BANF2: variants seen among roughly 807,000 people sequenced by gnomAD.
BANF2 encodes the protein barrier-to-autointegration factor-like protein.
A neutral mutation model predicts 8.0 loss-of-function variants in BANF2; 4 were observed. The observed-to-expected ratio is 0.50, with a 90% CI of 0.25 to 1.14. The LOEUF is 1.14. Among genes scored for constraint, BANF2 ranks in the 50% most tolerant of loss-of-function variants. BANF2 has a pLI of 0.16. For synonymous variants in BANF2, 50 were observed against 40.6 expected (o/e 1.23, Z -0.88); for missense variants, 96 against 107.5 (o/e 0.89, Z 0.47).
intron 3 of BANF2, among the ~76,000 whole-genome samples, chr20:17,727,884 A>G (rs559814081): frequency 1.3e-5 from 2 of 152,256 alleles, no homozygotes; most frequent in African/African-American, 4.8e-5. Context: ...GACTAGAGGC[A>G]CGCACCACTA....
At chr20:17,732,433 C>G (rs2037912140) in intron 3 of BANF2, among the ~76,000 whole-genome samples, 1 of 152,240 alleles carries the variant, frequency 6.6e-6, no homozygotes, top group African/African-American at 2.4e-5. Flanking sequence ...GTGGCATAAT[C>G]TCAGCTCATG....
At chr20:17,728,212 C>A (rs1300674409) in intron 3 of BANF2, among the ~76,000 whole-genome samples, 1 of 152,198 alleles carries the variant, frequency 6.6e-6, no homozygotes, top group African/African-American at 2.4e-5. Flanking sequence ...CACAAAGCCA[C>A]CTTGGGTTCC....
intron 1 of BANF2, among the ~76,000 whole-genome samples, chr20:17,716,216 T>G (rs918780960): frequency 3.9e-5 from 6 of 152,166 alleles, no homozygotes; most frequent in African/African-American, 1.4e-4. Flanking sequence ...TGGAGGCATT[T>G]CTCCCTCCGG....
At chr20:17,720,804 G>C (rs2037717518) in intron 1 of BANF2, among the ~76,000 whole-genome samples, 1 of 152,202 alleles carries the variant, frequency 6.6e-6, no homozygotes. Context: ...TTTATGTTAG[G>C]TATATTTTAC....
At chr20:17,710,108 G>T (rs1357134533) in intron 1 of BANF2, among the ~76,000 whole-genome samples, 3 of 152,226 alleles carry the variant, frequency 2.0e-5, no homozygotes, top group East Asian at 1.9e-4. Context: ...CACCTGAGGG[G>T]TGTGGGGCTG....
intron 3 of BANF2, 124 bp downstream of exon 3, chr20:17,725,275 G>T: frequency 7.9e-7 from 1 of 1,258,856 alleles, no homozygotes; most frequent in Non-Finnish European, 1.1e-6. Context: ...CTGCCGCTTG[G>T]CGGGGTGCCA....
chr20:17,725,875 G>A (rs965886861), intron 3 of BANF2, among the ~76,000 whole-genome samples: 6 of 152,142 alleles, frequency 3.9e-5, no homozygotes, highest in South Asian at 2.1e-4. Context: ...TCTACCAGGC[G>A]GGACAGTGTT....
At chr20:17,725,233 G>A (rs140331183) in intron 3 of BANF2, 82 bp downstream of exon 3, 80 of 1,483,462 alleles carry the variant, frequency 5.4e-5, no homozygotes, top group Admixed American at 2.4e-4. Flanking sequence ...TTCCTGCCAC[G>A]TGTCCCTGTG....
intron 1 of BANF2, among the ~76,000 whole-genome samples, chr20:17,711,640 G>C (rs1349440317): frequency 6.6e-6 from 1 of 152,200 alleles, no homozygotes; most frequent in African/African-American, 2.4e-5. Context: ...CTTGAGACAA[G>C]GGGGTTAGGG....
intron 1 of BANF2, among the ~76,000 whole-genome samples, chr20:17,715,644 C>A (rs1385601576): frequency 6.6e-6 from 1 of 152,194 alleles, no homozygotes; most frequent in Non-Finnish European, 1.5e-5. Context: ...TGGGCCTGAC[C>A]CTGCCCCAGC....
chr20:17,731,863 G>T (rs2037901943), intron 3 of BANF2, among the ~76,000 whole-genome samples: 1 of 150,990 alleles, frequency 6.6e-6, no homozygotes, highest in African/African-American at 2.4e-5. Context: ...TCAGGGGATC[G>T]AGACCATCCT....
chr20:17,699,329 T>A (rs1437828693), upstream of BANF2, among the ~76,000 whole-genome samples: 1 of 152,244 alleles, frequency 6.6e-6, no homozygotes, highest in African/African-American at 2.4e-5. Context: ...AAATATACAT[T>A]GTACCAAGTT....
chr20:17,699,477 T>C (rs1271291891), upstream of BANF2, among the ~76,000 whole-genome samples: 7 of 152,194 alleles, frequency 4.6e-5, no homozygotes, highest in Admixed American at 4.6e-4. Context: ...TTTAAGTTAC[T>C]TCTCTTTCCT....
At chr20:17,716,238 A>G (rs1156367166) in intron 1 of BANF2, among the ~76,000 whole-genome samples, 1 of 152,240 alleles carries the variant, frequency 6.6e-6, no homozygotes, top group African/African-American at 2.4e-5. Context: ...GTATGAGTGC[A>G]GCCTGACAGG....
chr20:17,702,524 C>T (rs1486252817), intron 1 of BANF2, among the ~76,000 whole-genome samples: 1 of 152,182 alleles, frequency 6.6e-6, no homozygotes, highest in African/African-American at 2.4e-5. Flanking sequence ...AATGAGGTTG[C>T]AAAGAAGTCA....
chr20:17,707,246 C>A (rs563802982), intron 1 of BANF2, among the ~76,000 whole-genome samples: 1 of 151,840 alleles, frequency 6.6e-6, no homozygotes, highest in Non-Finnish European at 1.5e-5. Context: ...AAAAATTAAC[C>A]GGGCATGGTG....
At chr20:17,731,271 A>G (rs2037889479) in intron 3 of BANF2, 1 of 151,948 alleles carries the variant, frequency 6.6e-6, no homozygotes, top group South Asian at 2.1e-4. Context: ...TCAAAATAAA[A>G]GAAGAAGAAA....
chr20:17,707,165 C>T (rs902193904), intron 1 of BANF2, among the ~76,000 whole-genome samples: 49 of 151,720 alleles, frequency 3.2e-4, no homozygotes, highest in African/African-American at 1.1e-3. Flanking sequence ...AGGCAGATCA[C>T]GAGGTCAGGA....
Position 17,722,786 on chromosome 20 carries a change from A to C in BANF2, c.-96A>C. The C allele has an allele frequency of 1.0e-6, 1 of 984,752 alleles. No homozygotes were observed. 61.0% of individuals were successfully genotyped at this position (984,752 alleles called of 1,614,324 possible). ...TTCCAAAATCAGTGCCTTTGGATTC[A>C]TCTCTTCCGGGAGAGTTCAGTGTCT... On this transcript the variant is annotated 5_prime_UTR_variant, in exon 2 of 4. Transcript: ENST00000246090.
Sources: allele counts gnomAD v4.1 joint callset (sites outside exome capture counted in the v4.1 genomes callset), GRCh38; gene constraint gnomAD v4.1.1; transcripts MANE v1.5; gene names NCBI Gene and HGNC (gene_info 2026-07-23, HGNC 2026-07-21).